BMP2K: variants seen among roughly 807,000 people sequenced by gnomAD.
BMP2K encodes the protein BMP2 inducible kinase, also known as BMP-2-inducible protein kinase.
A neutral mutation model predicts 116.0 loss-of-function variants in BMP2K; 74 were observed. That is an observed-to-expected ratio of 0.64 (90% CI 0.53 to 0.77). The LOEUF (loss-of-function observed/expected upper bound fraction) is 0.77, where lower values mean the gene tolerates loss of function less well. BMP2K is among the 30% of genes least tolerant of loss of function. The pLI is 0.00. For synonymous variants in BMP2K, 486 were observed against 502.5 expected (o/e 0.97, Z 0.44); for missense variants, 1,365 against 1,403.6 (o/e 0.97, Z 0.44).
chr4:78,785,559 T>G (rs1162755225), intron 1 of BMP2K, among the ~76,000 whole-genome samples: 1 of 152,218 alleles, frequency 6.6e-6, no homozygotes, highest in Non-Finnish European at 1.5e-5. Context: ...CCTTAATTGC[T>G]TATTTTACTA....
At chr4:78,813,976 G>A (rs976434941) in intron 1 of BMP2K, among the ~76,000 whole-genome samples, 1 of 152,142 alleles carries the variant, frequency 6.6e-6, no homozygotes, top group Non-Finnish European at 1.5e-5. Flanking sequence ...AATATATATT[G>A]TTGAATGAAT....
chr4:78,898,519 A>T, intron 15 of BMP2K, among the ~76,000 whole-genome samples: 1 of 151,238 alleles, frequency 6.6e-6, no homozygotes. Context: ...GAAGGACTTT[A>T]AAACAGGAAA....
chr4:78,852,537 C>A (rs1200794375), intron 7 of BMP2K, among the ~76,000 whole-genome samples: 1 of 152,024 alleles, frequency 6.6e-6, no homozygotes, highest in Non-Finnish European at 1.5e-5. Context: ...GATTTTAAAA[C>A]CATAACTTAC....
chr4:78,780,956 G>A (rs564615608), intron 1 of BMP2K, among the ~76,000 whole-genome samples: 22 of 152,296 alleles, frequency 1.4e-4, no homozygotes, highest in Admixed American at 9.8e-4. Context: ...GATGAAGAAA[G>A]TTAGGTAAAA....
intron 1 of BMP2K, among the ~76,000 whole-genome samples, chr4:78,778,107 A>G (rs905001430): frequency 1.3e-5 from 2 of 152,356 alleles, no homozygotes; most frequent in African/African-American, 2.4e-5. Flanking sequence ...TCTTCACTCA[A>G]ATGCCATATT....
At chr4:78,842,297 C>T (rs1382436543) in intron 3 of BMP2K, 88 bp from the exon 4 acceptor site, 3 of 1,203,126 alleles carry the variant, frequency 2.5e-6, no homozygotes, top group Admixed American at 2.5e-5. Flanking sequence ...TTTCCCATTA[C>T]TTGAAGCCAT....
intron 15 of BMP2K, among the ~76,000 whole-genome samples, chr4:78,895,739 C>T (rs936250009): frequency 6.6e-6 from 1 of 152,050 alleles, no homozygotes; most frequent in Non-Finnish European, 1.5e-5. Flanking sequence ...CAATTGTACT[C>T]TAATTTTTAT....
rs1734716508 is a variant in BMP2K at position 78,912,715 on chromosome 4, C to T, written c.*682C>T. 1 of 151,798 alleles carries T rather than the reference C, an allele frequency of 6.6e-6. No individual in the cohort carries two copies. Among genetic ancestry groups the T allele is most frequent in the Non-Finnish European group, 1.5e-5 (1 of 67,972 alleles). 9.4% of individuals were successfully genotyped at this position (151,798 alleles called of 1,614,324 possible). The stretch of plus-strand genomic sequence containing the variant: ...TAACTATTCCACAACTTACATATTC[C>T]AAAACAATGTTATACATGATAAATA... On this transcript the variant is annotated 3_prime_UTR_variant, in exon 16 of 16. Transcript: ENST00000502613.
chr4:78,901,530 T>C lies in BMP2K; in HGVS notation c.2063-9080T>C, dbSNP rs1289851186. ...CACTACCAGTATCTGTTTAAGATGG[T>C]GCCATTCCTATTTTCACTAAAGGAT... is the stretch of plus-strand genomic sequence containing the variant. On this transcript the variant is annotated intron_variant, in intron 15 of 15. Transcript: ENST00000502613. Among the ~76,000 whole-genome samples, 8 of 151,902 alleles carry C rather than the reference T, an allele frequency of 5.3e-5. No homozygotes were observed. The South Asian group carries it at 1.7e-3, about 31-fold the overall frequency.
intron 1 of BMP2K, among the ~76,000 whole-genome samples, chr4:78,817,949 T>C (rs374949431): frequency 1.3e-5 from 2 of 152,184 alleles, no homozygotes; most frequent in African/African-American, 2.4e-5. Flanking sequence ...TTTTTTCTTA[T>C]ATTATGGTAA....
chr4:78,855,195 T>C (rs1027930426), intron 7 of BMP2K, among the ~76,000 whole-genome samples: 5 of 152,266 alleles, frequency 3.3e-5, no homozygotes, highest in South Asian at 4.1e-4. Flanking sequence ...GTAGGACATA[T>C]AGAGTAACAT....
At chr4:78,831,067 G>C (rs1730183401) in intron 2 of BMP2K, among the ~76,000 whole-genome samples, 1 of 152,162 alleles carries the variant, frequency 6.6e-6, no homozygotes, top group African/African-American at 2.4e-5. Context: ...TCTAGCTTTT[G>C]ATTAAAACGA....
chr4:78,793,227 C>T (rs962573572), intron 1 of BMP2K, among the ~76,000 whole-genome samples: 8 of 151,814 alleles, frequency 5.3e-5, no homozygotes, highest in Non-Finnish European at 7.4e-5. Flanking sequence ...CTGGCTAACA[C>T]GGTGAAACCT....
intron 1 of BMP2K, among the ~76,000 whole-genome samples, chr4:78,786,576 G>A (rs1727743062): frequency 6.6e-6 from 1 of 152,070 alleles, no homozygotes; most frequent in South Asian, 2.1e-4. Flanking sequence ...GGGACAATAG[G>A]CATGTGCCAC....
chr4:78,781,133 G>A (rs890065321), intron 1 of BMP2K, among the ~76,000 whole-genome samples: 2 of 152,166 alleles, frequency 1.3e-5, no homozygotes, highest in African/African-American at 2.4e-5. Context: ...ACCAGGGTCC[G>A]GGGCTTAGTA....
At chr4:78,779,806 A>G (rs77102273) in intron 1 of BMP2K, among the ~76,000 whole-genome samples, 3,531 of 152,330 alleles carry the variant, frequency 0.023, 58 homozygotes, top group Middle Eastern at 0.041. Context: ...TATACTTTGT[A>G]TCATAATGTC....
At chr4:78,877,724 T>C (rs928244921) in intron 13 of BMP2K, among the ~76,000 whole-genome samples, 1 of 152,242 alleles carries the variant, frequency 6.6e-6, no homozygotes, top group Non-Finnish European at 1.5e-5. Flanking sequence ...TTATCAAATA[T>C]GCACTGTACA....
Position 78,915,069 on chromosome 4 carries a change from T to G in BMP2K, c.*3036T>G, listed in dbSNP as rs1258109642. The stretch of plus-strand genomic sequence containing the variant: ...GTATAATAGGTGGAGGAGGAAAGGT[T>G]GTAGGCCGGATGAAAATTTAACTGA... On this transcript the variant is annotated 3_prime_UTR_variant, in exon 16 of 16. Coordinates refer to ENST00000502613, the MANE Select transcript of BMP2K (RefSeq NM_198892.2). The G allele has an allele frequency of 6.6e-6, 1 of 151,968 alleles. No homozygotes were observed. Among genetic ancestry groups the G allele is most frequent in the East Asian group, 1.9e-4 (1 of 5,200 alleles). 9.4% of individuals were successfully genotyped at this position (151,968 alleles called of 1,614,324 possible). A position where few individuals can be genotyped will look rare whatever the true frequency, so the allele number is the denominator to read the frequency against.
intron 9 of BMP2K, 42 bp downstream of exon 9, chr4:78,861,510 A>C: frequency 1.4e-6 from 2 of 1,471,870 alleles, no homozygotes; most frequent in Non-Finnish European, 1.9e-6. Flanking sequence ...ATTAAAAAAA[A>C]TGATAGGTCT....
Sources: allele counts gnomAD v4.1 joint callset (sites outside exome capture counted in the v4.1 genomes callset), GRCh38; gene constraint gnomAD v4.1.1; transcripts MANE v1.5; gene names NCBI Gene and HGNC (gene_info 2026-07-23, HGNC 2026-07-21).